SCAI: variants seen among roughly 807,000 people sequenced by gnomAD.
SCAI encodes suppressor of cancer cell invasion, also known as protein SCAI.
In SCAI, 24 loss-of-function variants were observed where a neutral mutation model predicts 92.2. The observed-to-expected ratio is 0.26, with a 90% CI of 0.19 to 0.37. The LOEUF is 0.37. SCAI is among the 10% of genes least tolerant of loss of function. SCAI has a pLI of 1.00. For synonymous variants in SCAI, 261 were observed against 258.6 expected (o/e 1.01, Z -0.09); for missense variants, 450 against 736.2 (o/e 0.61, Z 4.50).
intron 2 of SCAI, among the ~76,000 whole-genome samples, chr9:125,116,620 A>G (rs1464944320): frequency 1.3e-5 from 2 of 152,264 alleles, no homozygotes; most frequent in African/African-American, 4.8e-5. Context: ...AACTAGGAAA[A>G]AAATCTAGGA....
rs555124221 is a variant in SCAI at position 124,944,368 on chromosome 9, G to C, written c.*8439C>G. ...GACTGGAGTGCAATGGCACGATCTC[G>C]GCTCACTGCAACCTCCGCCTCCCAG... On this transcript the variant is annotated 3_prime_UTR_variant, in exon 18 of 18. Transcript: ENST00000336505. The C allele has an allele frequency of 8.9e-6, 1 of 112,114 alleles. No homozygotes were observed. The highest frequency in any genetic ancestry group is 2.9e-4 in the South Asian group (1 of 3,408). The allele number at this position is 112,114 out of a possible 1,614,324, so 6.9% of individuals were successfully genotyped here. A position where few individuals can be genotyped will look rare whatever the true frequency, so the allele number is the denominator to read the frequency against.
chr9:125,054,767 A>C lies in SCAI; in HGVS notation c.230+1109T>G, dbSNP rs551623977. Among the ~76,000 whole-genome samples the C allele has an allele frequency of 2.9e-4, 44 of 152,348 alleles. No individual in the cohort carries two copies. In the South Asian group the frequency reaches 3.1e-3, roughly 11 times the overall value. ...AGGAAGCAGAAGAGTGCAAGAGTTA[A>C]GAATACTGCCTTTGGAATCTTCCAT... is the stretch of plus-strand genomic sequence containing the variant. On this transcript the variant is annotated intron_variant, in intron 3 of 17. Coordinates refer to ENST00000336505, the MANE Select transcript of SCAI (RefSeq NM_001144877.3).
At chr9:125,013,563 A>G (rs1433472738) in intron 9 of SCAI, among the ~76,000 whole-genome samples, 1 of 152,258 alleles carries the variant, frequency 6.6e-6, no homozygotes, top group Non-Finnish European at 1.5e-5. Context: ...AAAAGAGTCC[A>G]GGACCAGACG....
rs1554784575 is a variant in SCAI, at chr9:125,046,196, G to GATAGATAT, written c.230+9679_230+9680insATATCTAT. Among the ~76,000 whole-genome samples, 26 of 51,880 alleles carry GATAGATAT rather than the reference G, an allele frequency of 5.0e-4. No homozygotes were observed. In the East Asian group the frequency reaches 6.1e-3, roughly 12 times the overall value. 34.0% of individuals were successfully genotyped at this position (51,880 alleles called of 152,430 possible). A position where few individuals can be genotyped will look rare whatever the true frequency, so the allele number is the denominator to read the frequency against. Reference sequence around the variant, plus strand: ...CAACAAGTGAATAAAGAAATTGTGAGATATATATATATATATATATATATA... The same window carrying GATAGATAT: ...CAACAAGTGAATAAAGAAATTGTGAGATAGATATATATATATATATATATATATATATA... On this transcript the variant is annotated intron_variant, in intron 3 of 17. Transcript: ENST00000336505.
At chr9:125,056,588 C>T (rs1403010656) in intron 2 of SCAI, among the ~76,000 whole-genome samples, 1 of 152,088 alleles carries the variant, frequency 6.6e-6, no homozygotes, top group African/African-American at 2.4e-5. Context: ...TATTTGAATG[C>T]CTGTTATGTT....
intron 2 of SCAI, among the ~76,000 whole-genome samples, chr9:125,119,253 T>C (rs568254346): frequency 1.1e-4 from 17 of 152,208 alleles, no homozygotes; most frequent in Admixed American, 2.6e-4. Context: ...TACCATTTTA[T>C]AGATCAACTG....
At chr9:125,057,575 C>T (rs569966650) in intron 2 of SCAI, among the ~76,000 whole-genome samples, 7 of 152,124 alleles carry the variant, frequency 4.6e-5, no homozygotes, top group Non-Finnish European at 8.8e-5. Flanking sequence ...AGTGGGTATC[C>T]ACATCACAGG....
chr9:125,058,827 T>A (rs779931489), intron 2 of SCAI, among the ~76,000 whole-genome samples: 3 of 152,188 alleles, frequency 2.0e-5, no homozygotes, highest in Non-Finnish European at 2.9e-5. Context: ...CTTGTGGTAG[T>A]AAGCAAGAAA....
chr9:124,998,509 A>T (rs1038896820), intron 13 of SCAI, among the ~76,000 whole-genome samples: 42 of 152,140 alleles, frequency 2.8e-4, no homozygotes, highest in African/African-American at 9.7e-4. Context: ...CGGGGAACGG[A>T]GGTATAGGGA....
intron 2 of SCAI, among the ~76,000 whole-genome samples, chr9:125,077,663 G>A (rs1196672442): frequency 6.6e-6 from 1 of 152,052 alleles, no homozygotes; most frequent in Admixed American, 6.6e-5. Context: ...TGTGTTTATT[G>A]GGGCTTTGTA....
intron 2 of SCAI, among the ~76,000 whole-genome samples, chr9:125,099,789 T>G (rs936443618): frequency 1.3e-5 from 2 of 152,236 alleles, no homozygotes; most frequent in Non-Finnish European, 2.9e-5. Context: ...GGAATCATAT[T>G]TGTCGTTTTG....
Position 125,026,978 on chromosome 9 carries a change from C to T in SCAI, c.414-68G>A, listed in dbSNP as rs1832976799. The stretch of plus-strand genomic sequence containing the variant: ...CTCTTCACCATGGTAAATACTTGTT[C>T]TATATACCGCTGTATTCCTCTGTGG... On this transcript the variant is annotated intron_variant, in intron 5 of 17. Coordinates refer to ENST00000336505, the MANE Select transcript of SCAI (RefSeq NM_001144877.3). The T allele has an allele frequency of 4.7e-6, 4 of 846,598 alleles. No homozygotes were observed. The South Asian group carries it at 6.8e-5, about 14-fold the overall frequency. 52.4% of individuals were successfully genotyped at this position (846,598 alleles called of 1,614,324 possible).
chr9:125,138,571 C>T (rs377712209), intron 2 of SCAI, among the ~76,000 whole-genome samples: 1 of 152,218 alleles, frequency 6.6e-6, no homozygotes, highest in African/African-American at 2.4e-5. Flanking sequence ...CCTGCCACCA[C>T]GTCCAGCTGA....
At chr9:125,006,497 CATTCATTCATTT>C (rs1331465675) in intron 9 of SCAI, among the ~76,000 whole-genome samples, 3 of 151,470 alleles carry the variant, frequency 2.0e-5, no homozygotes, top group Non-Finnish European at 4.4e-5. Context: ...TTCATTCATT[CATTCATTCATTT>C]GAGACGGAGT....
intron 17 of SCAI, among the ~76,000 whole-genome samples, chr9:124,960,953 CAA>C (rs1233658985): frequency 1.3e-5 from 2 of 151,822 alleles, no homozygotes; most frequent in African/African-American, 4.8e-5. Context: ...CCCATCTCTA[CAA>C]AAAAATTTAA....
intron 12 of SCAI, 132 bp from the exon 13 acceptor site, chr9:125,000,122 A>G (rs1003088539): frequency 4.3e-6 from 2 of 467,122 alleles, no homozygotes; most frequent in Non-Finnish European, 7.4e-6. Flanking sequence ...ATTATTTTAA[A>G]ATTTAACATT....
chr9:125,055,982 T>C lies in SCAI; in HGVS notation c.124A>G (p.Met42Val). The C allele has an allele frequency of 6.2e-7, 1 of 1,609,448 alleles. No homozygotes were observed. Among genetic ancestry groups the C allele is most frequent in the Non-Finnish European group, 8.5e-7 (1 of 1,177,162 alleles). ...TCATCTTCAGCACCTCCAGAGGACA[T>C]GATTTCTTTAAGAGCAAATTCAGTC... ...SRTEFALKEI[M>V]SSGGAEDDIP... Residue 42 changes from methionine (M) to valine (V), a missense_variant, in exon 3 of 18, where the codon ATG becomes GTG. This residue lies in a region of SCAI where 70 missense variants were observed against 66.3 expected (regional missense o/e 1.06). Coordinates refer to ENST00000336505, the MANE Select transcript of SCAI (RefSeq NM_001144877.3).
intron 3 of SCAI, among the ~76,000 whole-genome samples, chr9:125,031,048 A>G (rs1178180370): frequency 7.0e-6 from 1 of 142,828 alleles, no homozygotes; most frequent in Non-Finnish European, 1.5e-5. Context: ...GATGGCCCCA[A>G]GTACCTTTTT....
intron 3 of SCAI, among the ~76,000 whole-genome samples, chr9:125,052,825 G>A (rs1407497981): frequency 6.6e-6 from 1 of 151,560 alleles, no homozygotes; most frequent in African/African-American, 2.4e-5. Flanking sequence ...TCGCTAACAA[G>A]CACATAAAAA....
Sources: gnomAD v4.1 joint callset for allele counts (sites outside exome capture counted in the v4.1 genomes callset) on GRCh38, gnomAD v4.1.1 for gene constraint, gnomAD v4.1.1 regional missense constraint, MANE v1.5 for transcripts, NCBI Gene and HGNC (gene_info 2026-07-23, HGNC 2026-07-21) for gene names.